The following BCL2L1 variants were observed in gnomAD, a reference collection of about 807,000 sequenced individuals.
BCL2L1 encodes the protein BCL2 like 1.
BCL2L1 carries 1 observed loss-of-function variant against 18.7 expected under a neutral mutation model. The ratio of observed to expected loss-of-function variants is 0.05; its 90% CI spans 0.02 to 0.25. The LOEUF (loss-of-function observed/expected upper bound fraction) is 0.25, where lower values mean the gene tolerates loss of function less well. Among genes scored for constraint, BCL2L1 ranks in the 10% least tolerant of loss-of-function variants. The pLI, the probability that BCL2L1 is intolerant of heterozygous loss-of-function variation, is 1.00. For missense variants in BCL2L1, 207 were observed against 304.9 expected (o/e 0.68, Z 2.39); for synonymous variants, 103 against 122.7 (o/e 0.84, Z 1.06).
At chr20:31,692,590 G>A (rs1342901050) in intron 2 of BCL2L1, among the ~76,000 whole-genome samples, 1 of 150,202 alleles carries the variant, frequency 6.7e-6, no homozygotes. Context: ...CCTGGCCAAT[G>A]TGGTGAAACC....
At chr20:31,681,477 A>AT (rs2060860043) in intron 2 of BCL2L1, among the ~76,000 whole-genome samples, 1 of 152,152 alleles carries the variant, frequency 6.6e-6, no homozygotes, top group African/African-American at 2.4e-5. Context: ...GGAAAATCCT[A>AT]TTTTTACAAA....
intron 2 of BCL2L1, among the ~76,000 whole-genome samples, chr20:31,691,258 C>T (rs1029932030): frequency 6.9e-6 from 1 of 145,336 alleles, no homozygotes; most frequent in African/African-American, 2.5e-5. Flanking sequence ...AAATTTACAG[C>T]CTTTAACACC....
chr20:31,722,022 T>G lies in BCL2L1; in HGVS notation c.197A>C (p.Asn66Thr). 1 of 1,613,124 alleles carries G rather than the reference T, an allele frequency of 6.2e-7. No homozygotes were observed. Reference protein sequence around the residue: ...SWHLADSPAVNGATGHSSSLD... With the variant: ...SWHLADSPAVTGATGHSSSLD... ...ACTGCTGCTGTGGCCAGTGGCTCCA[T>G]TCACCGCGGGGCTGTCTGCCAGGTG... is the stretch of plus-strand genomic sequence containing the variant. The change falls in exon 2 of 3, where the codon AAT (asparagine) becomes ACT (threonine). Residue 66 changes from asparagine (N) to threonine (T), a missense_variant. Asn to Thr is a moderately conservative substitution (Grantham distance 65). Transcript: ENST00000307677.
chr20:31,713,377 G>A (rs1335869818), intron 2 of BCL2L1: 90 of 985,192 alleles, frequency 9.1e-5, no homozygotes, highest in East Asian at 1.1e-4. Flanking sequence ...GCAGGGACAC[G>A]TCCAAAAAAA....
At position 31,703,703 on chromosome 20, in the gene BCL2L1, GC is replaced by G. The variant is rs1375789893; in HGVS notation, c.564+17951del. Among the ~76,000 whole-genome samples the G allele has an allele frequency of 2.8e-4, 43 of 151,944 alleles. 1 individual carries two copies. Among genetic ancestry groups the G allele is most frequent in the African/African-American group, 1.0e-3 (43 of 41,426 alleles). On this transcript the variant is annotated intron_variant, in intron 2 of 2. Coordinates refer to ENST00000307677, the MANE Select transcript of BCL2L1 (RefSeq NM_138578.3). ...GATGGGGTTTCACTGTGTTGGCCAG[GC>G]TGGTCTGGAACTCCTGATCTCAGGT...
At chr20:31,674,120 C>G (rs547360798) in intron 2 of BCL2L1, among the ~76,000 whole-genome samples, 56 of 152,318 alleles carry the variant, frequency 3.7e-4, no homozygotes, top group Middle Eastern at 3.4e-3. Flanking sequence ...CAAGATAGTA[C>G]TTCATTCACA....
chr20:31,692,140 T>G (rs2061085576), intron 2 of BCL2L1, among the ~76,000 whole-genome samples: 1 of 152,176 alleles, frequency 6.6e-6, no homozygotes, highest in African/African-American at 2.4e-5. Context: ...ATCAAACACT[T>G]TGGGGGTGGA....
intron 2 of BCL2L1, chr20:31,720,805 C>G: frequency 1.0e-6 from 1 of 985,432 alleles, no homozygotes; most frequent in South Asian, 4.7e-5. Flanking sequence ...ATCTCAATGT[C>G]CCACAGAGCC....
intron 2 of BCL2L1, among the ~76,000 whole-genome samples, chr20:31,673,675 GAAAC>G (rs1320256073): frequency 6.6e-6 from 1 of 151,962 alleles, no homozygotes; most frequent in African/African-American, 2.4e-5. Flanking sequence ...TAAAAGCAAA[GAAAC>G]AAAAAACTAT....
Position 31,693,902 on chromosome 20 carries a change from AT to A in BCL2L1, c.564+27752del, listed in dbSNP as rs531516793. Reference sequence around the variant, plus strand: ...AAGTGATGATTTTCCTATTTTTAAAATTGTACATATGCATTAGATATTCTCT... The same window carrying A: ...AAGTGATGATTTTCCTATTTTTAAAATGTACATATGCATTAGATATTCTCT... On this transcript the variant is annotated intron_variant, in intron 2 of 2. Transcript: ENST00000307677. 7.2e-5 allele frequency among the ~76,000 whole-genome samples: 11 copies of A among 152,326 alleles called. No homozygotes were observed. In the South Asian group the frequency reaches 2.1e-3, roughly 29 times the overall value.
rs1555876747 is a variant in BCL2L1, at chr20:31,722,355, G to A, written c.-130-7C>T. 2 of 600,116 alleles carry A rather than the reference G, an allele frequency of 3.3e-6. No individual in the cohort carries two copies. The highest frequency in any genetic ancestry group is 5.1e-6 in the Non-Finnish European group (2 of 396,018). 37.2% of individuals were successfully genotyped at this position (600,116 alleles called of 1,614,324 possible). A position where few individuals can be genotyped will look rare whatever the true frequency, so the allele number is the denominator to read the frequency against. On this transcript the variant is annotated splice_region_variant and splice_polypyrimidine_tract_variant and intron_variant, in intron 1 of 2. Transcript: ENST00000307677. ...TCTGAAGGGAGAGAAAGAGCTTCAG[G>A]AAAAAAAAATAATTAATATGCATGC...
chr20:31,675,442 G>C (rs553698951), intron 2 of BCL2L1, among the ~76,000 whole-genome samples: 65 of 152,328 alleles, frequency 4.3e-4, no homozygotes, highest in Non-Finnish European at 7.8e-4. Context: ...TGGTAGGAAG[G>C]GGGTAGGGCA....
At position 31,667,082 on chromosome 20, in the gene BCL2L1, G is replaced by A. The variant is rs190181524; in HGVS notation, c.565-996C>T. On this transcript the variant is annotated intron_variant, in intron 2 of 2. Coordinates refer to ENST00000307677, the MANE Select transcript of BCL2L1 (RefSeq NM_138578.3). ...AGAAGCTGTGCCTCTGAGGGTCCAG[G>A]GACTGGATCAAGGTCACCCAGCTGT... Among the ~76,000 whole-genome samples the A allele has an allele frequency of 1.6e-3, 240 of 152,274 alleles. 1 individual carries two copies. The highest frequency in any genetic ancestry group is 5.6e-3 in the African/African-American group (234 of 41,556).
intron 2 of BCL2L1, among the ~76,000 whole-genome samples, chr20:31,715,144 C>T (rs914058301): frequency 2.0e-5 from 3 of 152,072 alleles, no homozygotes; most frequent in Non-Finnish European, 2.9e-5. Flanking sequence ...TGGTGGCGGG[C>T]ACCTGCAGTC....
intron 2 of BCL2L1, chr20:31,720,489 C>T (rs2061605929): frequency 1.0e-6 from 1 of 970,708 alleles, no homozygotes; most frequent in Admixed American, 6.2e-5. Context: ...GAAAACAGGA[C>T]TGAATTCACT....
intron 2 of BCL2L1, among the ~76,000 whole-genome samples, chr20:31,694,036 T>C (rs1366233487): frequency 3.3e-5 from 5 of 151,734 alleles, no homozygotes; most frequent in African/African-American, 1.2e-4. Flanking sequence ...GTCCGAAGGG[T>C]TAAGCCTGTT....
At chr20:31,688,395 G>A (rs1429612781) in intron 2 of BCL2L1, among the ~76,000 whole-genome samples, 1 of 141,558 alleles carries the variant, frequency 7.1e-6, no homozygotes, top group Non-Finnish European at 1.5e-5. Flanking sequence ...AGTGAGCCAA[G>A]ATCGTGCCAC....
At chr20:31,721,521 C>A (rs1779449889) in intron 2 of BCL2L1, 134 bp downstream of exon 2, 12 of 1,060,524 alleles carry the variant, frequency 1.1e-5, no homozygotes, top group South Asian at 1.7e-5. Context: ...TGAAATGAGG[C>A]CAGTCAGGTT....
intron 2 of BCL2L1, among the ~76,000 whole-genome samples, chr20:31,671,706 G>A (rs1039298714): frequency 2.6e-5 from 4 of 151,954 alleles, no homozygotes; most frequent in African/African-American, 4.8e-5. Context: ...CTCCAATGGC[G>A]TGAAGTGAAG....
Sources: allele counts gnomAD v4.1 joint callset (sites outside exome capture counted in the v4.1 genomes callset), GRCh38; gene constraint gnomAD v4.1.1; transcripts MANE v1.5; gene names NCBI Gene and HGNC (gene_info 2026-07-23, HGNC 2026-07-21).